Variants in NGLY1 observed in about 807,000 individuals in gnomAD.
NGLY1 encodes the protein peptide-N(4)-(N-acetyl-beta-glucosaminyl)asparagine amidase.
Under a neutral mutation model 84.6 loss-of-function variants are expected in NGLY1, and 68 were observed. The ratio of observed to expected loss-of-function variants is 0.80; its 90% CI spans 0.66 to 0.98. The LOEUF (loss-of-function observed/expected upper bound fraction) is 0.98, where lower values mean the gene tolerates loss of function less well. NGLY1 is among the 50% of genes least tolerant of loss of function. NGLY1 has a pLI of 0.00. For missense variants in NGLY1, 779 were observed against 770.2 expected (o/e 1.01, Z -0.14); for synonymous variants, 280 against 275.2 (o/e 1.02, Z -0.17).
At chr3:25,722,330 A>G (rs1448531469) in intron 10 of NGLY1, among the ~76,000 whole-genome samples, 1 of 151,768 alleles carries the variant, frequency 6.6e-6, no homozygotes, top group African/African-American at 2.4e-5. Context: ...CATCTAACTC[A>G]TACTCTAGCT....
intron 4 of NGLY1, among the ~76,000 whole-genome samples, chr3:25,746,416 A>G (rs993009866): frequency 1.3e-5 from 2 of 152,240 alleles, no homozygotes; most frequent in Non-Finnish European, 2.9e-5. Context: ...CACAGATCTT[A>G]AATACACATA....
At chr3:25,733,705 G>T (rs138210957) in intron 8 of NGLY1, among the ~76,000 whole-genome samples, 167 bp downstream of exon 8, 1 of 151,868 alleles carries the variant, frequency 6.6e-6, no homozygotes, top group East Asian at 1.9e-4. Flanking sequence ...AATTTTCAAT[G>T]AACAAAAAGA....
At position 25,767,693 on chromosome 3, in the gene NGLY1, T is replaced by C. The variant is rs147852274; in HGVS notation, c.247-3382A>G. ...GAATTTTAATATACAGTTGAAAATT[T>C]TGGGATAGGTCTTAGGTTCATACTC... On this transcript the variant is annotated intron_variant, in intron 2 of 11. Transcript: ENST00000280700. 8.9e-4 allele frequency among the ~76,000 whole-genome samples: 136 copies of C among 152,316 alleles called. 3 individuals carry two copies. In the East Asian group the frequency reaches 0.018, roughly 21 times the overall value.
Position 25,778,663 on chromosome 3 carries a change from A to T in NGLY1, c.157T>A (p.Ser53Thr). Residue 53 changes from serine to threonine, a missense_variant, in exon 2 of 12, where the codon TCC becomes ACC. By Grantham distance (58) the Ser-to-Thr change is moderately conservative (BLOSUM62 1). Coordinates refer to ENST00000280700, the MANE Select transcript of NGLY1 (RefSeq NM_018297.4). ...LRNPNDEKYR[S>T]IRIGNTAFST... Reference sequence around the variant, plus strand: ...AAGGCTGTGTTTCCAATCCGGATGGATCTATATTTTTCATCATTAGGGTTT... The same window carrying T: ...AAGGCTGTGTTTCCAATCCGGATGGTTCTATATTTTTCATCATTAGGGTTT... The T allele has an allele frequency of 1.2e-6, 2 of 1,609,544 alleles. No homozygotes were observed. The highest frequency in any genetic ancestry group is 1.7e-6 in the Non-Finnish European group (2 of 1,178,082).
rs200446388 is a variant in NGLY1, at chr3:25,739,617, G to A, written c.841C>T (p.His281Tyr). 1.2e-4 allele frequency: 189 copies of A among 1,613,962 alleles called. No homozygotes were observed. The highest frequency in any genetic ancestry group is 1.5e-4 in the Non-Finnish European group (178 of 1,180,004). The change falls in exon 5 of 12, where the codon CAT (histidine) becomes TAT (tyrosine). Residue 281 changes from histidine to tyrosine, a missense_variant. Coordinates refer to ENST00000280700, the MANE Select transcript of NGLY1 (RefSeq NM_018297.4). ...CTGAACTGGCAGGCATCACAGTAAT[G>A]ATCTTCCACTTCCTTTGCACCCCAC... Reference protein sequence around the residue: ...LKWGAKEVEDHYCDACQFSNR... With the variant: ...LKWGAKEVEDYYCDACQFSNR...
chr3:25,780,317 CTCTT>C lies in NGLY1; in HGVS notation c.132-1633_132-1630del, dbSNP rs1040647197. 5.2e-4 allele frequency among the ~76,000 whole-genome samples: 79 copies of C among 152,278 alleles called. 1 individual carries two copies. The highest frequency in any genetic ancestry group is 4.6e-3 in the Admixed American group (70 of 15,298). On this transcript the variant is annotated intron_variant, in intron 1 of 11. Coordinates refer to ENST00000280700, the MANE Select transcript of NGLY1 (RefSeq NM_018297.4). ...GCTACACTGTCTCACAAGTGAGCCT[CTCTT>C]TCTTATCACTTAAGAAAACTGAACT...
rs144144643 is a variant in NGLY1, at chr3:25,732,411, T to C, written c.1333A>G (p.Ile445Val). The change falls in exon 9 of 12, where the codon ATA becomes GTA. Residue 445 changes from isoleucine (I) to valine (V), a missense_variant. Coordinates refer to ENST00000280700, the MANE Select transcript of NGLY1 (RefSeq NM_018297.4). ...CCAGGTTTAGGGGTTTTGGGAGATA[T>C]AAATTCAACAAGCTCCACAATTATC... is the stretch of plus-strand genomic sequence containing the variant. ...QRIIVELVEF[I>V]SPKTPKPGEL... is the part of the protein sequence containing the mutation. 10 of 1,613,768 alleles carry C rather than the reference T, an allele frequency of 6.2e-6. No individual in the cohort carries two copies. The highest frequency in any genetic ancestry group is 1.1e-5 in the South Asian group (1 of 91,060).
intron 3 of NGLY1, among the ~76,000 whole-genome samples, chr3:25,752,716 A>C (rs1040377271): frequency 6.6e-6 from 1 of 151,972 alleles, no homozygotes; most frequent in Non-Finnish European, 1.5e-5. Context: ...CAGGAGGCTA[A>C]GGTGGGTAGA....
chr3:25,726,520 G>A (rs1705271303), intron 10 of NGLY1, among the ~76,000 whole-genome samples: 1 of 152,286 alleles, frequency 6.6e-6, no homozygotes, highest in African/African-American at 2.4e-5. Context: ...CAAGTGGTAA[G>A]GTTAAGAATA....
intron 2 of NGLY1, among the ~76,000 whole-genome samples, chr3:25,768,474 T>C (rs1337781087): frequency 6.7e-6 from 1 of 148,992 alleles, no homozygotes; most frequent in African/African-American, 2.5e-5. Flanking sequence ...GACCTTAAAG[T>C]ATAACCTTAA....
At chr3:25,761,766 A>G (rs1198664236) in intron 3 of NGLY1, among the ~76,000 whole-genome samples, 2 of 152,232 alleles carry the variant, frequency 1.3e-5, no homozygotes, top group African/African-American at 4.8e-5. Context: ...GAATGTTCAC[A>G]GCAGCATTAT....
At chr3:25,765,678 A>G (rs1023637533) in intron 2 of NGLY1, among the ~76,000 whole-genome samples, 5 of 152,174 alleles carry the variant, frequency 3.3e-5, no homozygotes, top group African/African-American at 1.2e-4. Flanking sequence ...CGTATGATTC[A>G]TAATTGCTAT....
chr3:25,739,616 TG>T lies in NGLY1; in HGVS notation c.841del (p.His281IlefsTer43), dbSNP rs752785850. The T allele has an allele frequency of 3.7e-6, 6 of 1,614,120 alleles. No homozygotes were observed. The highest frequency in any genetic ancestry group is 4.2e-6 in the Non-Finnish European group (5 of 1,179,996). ...LKWGAKEVED[H>X]YCDACQFSNR... ...GCTGAACTGGCAGGCATCACAGTAA[TG>T]ATCTTCCACTTCCTTTGCACCCCAC... is the stretch of plus-strand genomic sequence containing the variant. On this transcript the variant is annotated frameshift_variant, in exon 5 of 12. Coordinates refer to ENST00000280700, the MANE Select transcript of NGLY1 (RefSeq NM_018297.4). LOFTEE classifies it high-confidence loss of function.
chr3:25,787,889 T>C (rs988736410), upstream of NGLY1, among the ~76,000 whole-genome samples: 2 of 152,198 alleles, frequency 1.3e-5, no homozygotes, highest in Admixed American at 6.5e-5. Context: ...CTCCAGGCCT[T>C]TGTTCTCCTC....
intron 4 of NGLY1, among the ~76,000 whole-genome samples, chr3:25,742,535 C>A (rs1575625363): frequency 6.6e-6 from 1 of 152,106 alleles, no homozygotes; most frequent in Non-Finnish European, 1.5e-5. Context: ...AAGAACAGAA[C>A]TGAATGGCAG....
intron 4 of NGLY1, among the ~76,000 whole-genome samples, chr3:25,745,222 G>A (rs772207633): frequency 6.6e-6 from 1 of 152,170 alleles, no homozygotes; most frequent in Non-Finnish European, 1.5e-5. Flanking sequence ...TAGCTGAAAT[G>A]TGCTGAGTGT....
intron 4 of NGLY1, among the ~76,000 whole-genome samples, chr3:25,741,652 A>G (rs775371739): frequency 1.3e-5 from 2 of 152,134 alleles, no homozygotes; most frequent in East Asian, 1.9e-4. Flanking sequence ...AAGCTACACT[A>G]AAGAACTCTG....
chr3:25,744,932 T>C (rs935522608), intron 4 of NGLY1, among the ~76,000 whole-genome samples: 1 of 152,184 alleles, frequency 6.6e-6, no homozygotes. Context: ...TAGCTCACCA[T>C]TAGCTCCAGA....
At chr3:25,752,148 TA>T (rs1706787931) in intron 3 of NGLY1, among the ~76,000 whole-genome samples, 1 of 152,212 alleles carries the variant, frequency 6.6e-6, no homozygotes, top group African/African-American at 2.4e-5. Flanking sequence ...GAAAAAACTT[TA>T]AAAAGTTTCA....
Sources: gnomAD v4.1 joint callset for allele counts (sites outside exome capture counted in the v4.1 genomes callset) on GRCh38, gnomAD v4.1.1 for gene constraint, MANE v1.5 for transcripts, NCBI Gene and HGNC (gene_info 2026-07-23, HGNC 2026-07-21) for gene names.